POLE: variants seen among roughly 807,000 people sequenced by gnomAD.
The protein encoded by POLE is DNA polymerase epsilon catalytic subunit A.
In POLE, 188 loss-of-function variants were observed where a neutral mutation model predicts 279.2. The observed-to-expected ratio is 0.67, with a 90% CI of 0.60 to 0.76. POLE has a LOEUF of 0.76. Ranked by LOEUF, POLE falls within the 30% of genes least tolerant of loss-of-function variation. The pLI is 0.00. For synonymous variants in POLE, 1,214 were observed against 1,172.5 expected, an observed-to-expected ratio of 1.04 and a Z score of -0.72; for missense variants, 2,703 against 3,016.7, an observed-to-expected ratio of 0.90 and a Z score of 2.44.
intron 12 of POLE, among the ~76,000 whole-genome samples, chr12:132,674,893 C>A (rs896967188): frequency 7.1e-6 from 1 of 140,656 alleles, no homozygotes; most frequent in Non-Finnish European, 1.5e-5. Flanking sequence ...TCCCTCCCTT[C>A]CCTTCCTTCC....
In POLE at chr12:132,664,168, C is replaced by A; in HGVS notation, c.2562-20G>T. ...GGCCTCCTTCAGAGAAAGAGAGGAG[C>A]AAGGTCGTGAGTTCCCCTTTCCTTT... On this transcript the variant is annotated intron_variant, in intron 22 of 48. Coordinates refer to ENST00000320574, the MANE Select transcript of POLE (RefSeq NM_006231.4). This position sits in a 1 kb window ranked among gnomAD's most constrained non-coding sequence, Gnocchi z 5.3. 1.2e-6 allele frequency: 2 copies of A among 1,612,908 alleles called. No individual in the cohort carries two copies. Among genetic ancestry groups the A allele is most frequent in the Non-Finnish European group, 1.7e-6 (2 of 1,179,742 alleles).
intron 26 of POLE, chr12:132,658,522 A>G: frequency 6.5e-6 from 1 of 154,470 alleles, no homozygotes; most frequent in Admixed American, 6.4e-5. Flanking sequence ...CCATGTCTAC[A>G]TGTTCCTTGC....
At position 132,643,829 on chromosome 12, in the gene POLE, G is replaced by A. The variant is rs1461156744; in HGVS notation, c.4290+8C>T. On this transcript the variant is annotated splice_region_variant and intron_variant, in intron 33 of 48. Coordinates refer to ENST00000320574, the MANE Select transcript of POLE (RefSeq NM_006231.4). ...CCCCAGTTCAGTCGAGGGTGGCTGG[G>A]GAGTCACCTGAGTCTCATATACGCC... 6.2e-7 allele frequency: 1 copy of A among 1,612,108 alleles called. No individual in the cohort carries two copies. Among genetic ancestry groups the A allele is most frequent in the Non-Finnish European group, 8.5e-7 (1 of 1,178,398 alleles).
Position 132,668,971 on chromosome 12 carries a change from G to A in POLE, c.1795-32C>T. 6.2e-7 allele frequency: 1 copy of A among 1,605,554 alleles called. No individual in the cohort carries two copies. Among genetic ancestry groups the A allele is most frequent in the Non-Finnish European group, 8.5e-7 (1 of 1,173,642 alleles). On this transcript the variant is annotated intron_variant, in intron 16 of 48. Transcript: ENST00000320574. The surrounding 1 kb of genome is among the most constrained non-coding windows in gnomAD (Gnocchi z 4.0). ...AGAAAGCGAAACTCAGTAGAGGCTG[G>A]TGACCAAGCTTGCCTCGTGTGCAGT...
At chr12:132,669,013 G>A (rs1035418174) in intron 16 of POLE, 74 bp from the exon 17 acceptor site, 1 of 1,463,498 alleles carries the variant, frequency 6.8e-7, no homozygotes, top group Non-Finnish European at 9.3e-7. Flanking sequence ...ACCCCTTTTA[G>A]ACATTCAGGA....
chr12:132,671,396 C>T lies in POLE; in HGVS notation c.1794+819G>A, dbSNP rs922975630. Among the ~76,000 whole-genome samples the T allele has an allele frequency of 8.6e-5, 13 of 151,090 alleles. 1 individual carries two copies. Among genetic ancestry groups the T allele is most frequent in the African/African-American group, 2.0e-4 (8 of 40,574 alleles). ...ACATAAAGACCTGAGATAGGCCAGG[C>T]GCGGTGCCTCACACCTGTAATCCCA... On this transcript the variant is annotated intron_variant, in intron 16 of 48. Coordinates refer to ENST00000320574, the MANE Select transcript of POLE (RefSeq NM_006231.4).
chr12:132,646,740 G>A (rs1207472113), intron 32 of POLE, among the ~76,000 whole-genome samples: 1 of 152,094 alleles, frequency 6.6e-6, no homozygotes, highest in Non-Finnish European at 1.5e-5. Flanking sequence ...GCTGAGGCAG[G>A]AGAATTTCTT....
rs1555225694 is a variant in POLE, at chr12:132,659,476, G to C, written c.3094C>G (p.Leu1032Val). 1 of 1,614,198 alleles carries C rather than the reference G, an allele frequency of 6.2e-7. No homozygotes were observed. The highest frequency in any genetic ancestry group is 8.5e-7 in the Non-Finnish European group (1 of 1,180,036). The part of the protein sequence containing the change: ...ANMPDSELFE[L>V]ISENRSMSRK... ...GACATGGAACGGTTCTCAGAGATGA[G>C]CTCGAATAGCTCAGAGTCAGGCATG... The change falls in exon 26 of 49, where the codon CTC (leucine) becomes GTC (valine). Residue 1032 changes from leucine (L) to valine (V), a missense_variant. Transcript: ENST00000320574.
intron 43 of POLE, 154 bp from the exon 44 acceptor site, chr12:132,632,949 T>G: frequency 2.6e-6 from 2 of 763,650 alleles, no homozygotes; most frequent in East Asian, 2.7e-5. Flanking sequence ...GAGCTAAAAG[T>G]AAATTAGAGA....
At chr12:132,656,363 TTC>T (rs2042538574) in intron 29 of POLE, among the ~76,000 whole-genome samples, 2 of 151,702 alleles carry the variant, frequency 1.3e-5, no homozygotes, top group African/African-American at 4.9e-5. Context: ...CAGAACCTTT[TTC>T]TTTTTTTTTT....
intron 16 of POLE, among the ~76,000 whole-genome samples, 192 bp from the exon 17 acceptor site, chr12:132,669,131 T>A (rs1195453964): frequency 6.6e-6 from 1 of 152,090 alleles, no homozygotes; most frequent in African/African-American, 2.4e-5. Flanking sequence ...GGTGGAGTCA[T>A]TAGAAAATTA....
intron 45 of POLE, among the ~76,000 whole-genome samples, chr12:132,629,311 A>G (rs1006109233): frequency 6.6e-6 from 1 of 152,224 alleles, no homozygotes; most frequent in Admixed American, 6.5e-5. Flanking sequence ...CGCTAACAAG[A>G]GTCAGCCTTT....
At chr12:132,631,738 G>A (rs1464801798) in intron 45 of POLE, among the ~76,000 whole-genome samples, 2 of 152,150 alleles carry the variant, frequency 1.3e-5, no homozygotes, top group Non-Finnish European at 2.9e-5. Flanking sequence ...TCCTGGTCCA[G>A]CCTACTGGTC....
In POLE at chr12:132,625,784, G is replaced by C. The variant is rs1483343976; in HGVS notation, c.6532-14C>G. ...GACCGCCCCATCCTAGGCAGAGCAA[G>C]AGTGCGAGAGGTCACCAGCCCAGCC... On this transcript the variant is annotated splice_polypyrimidine_tract_variant and intron_variant, in intron 46 of 48. Transcript: ENST00000320574. 1.2e-6 allele frequency: 2 copies of C among 1,607,182 alleles called. No individual in the cohort carries two copies. The highest frequency in any genetic ancestry group is 1.3e-5 in the African/African-American group (1 of 75,060).
rs2135996157 is a variant in POLE at position 132,673,208 on chromosome 12, A to G, written c.1429T>C (p.Phe477Leu). 3 of 1,613,766 alleles carry G rather than the reference A, an allele frequency of 1.9e-6. No individual in the cohort carries two copies. Among genetic ancestry groups the G allele is most frequent in the Non-Finnish European group, 2.5e-6 (3 of 1,179,630 alleles). The change falls in exon 14 of 49, where the codon TTC becomes CTC. Residue 477 changes from phenylalanine (F) to leucine (L), a missense_variant. Around this residue, in one of 5 missense-constraint regions of POLE, gnomAD observed 1,011 missense variants for 1,111.7 expected, o/e 0.91. Transcript: ENST00000320574. ...YYLYMKYVHP[F>L]IFALCTIIPM... is the part of the protein sequence containing the mutation. Reference sequence around the variant, plus strand: ...ATAATGGTGCACAGAGCAAAGATGAATGGGTGGACGTACTTCATGTACAGG... The same window carrying G: ...ATAATGGTGCACAGAGCAAAGATGAGTGGGTGGACGTACTTCATGTACAGG...
At chr12:132,667,380 G>T in intron 20 of POLE, 123 bp downstream of exon 20, 3 of 998,050 alleles carry the variant, frequency 3.0e-6, no homozygotes, top group South Asian at 1.5e-5. Context: ...ACAATTGCAC[G>T]TTACCATCCG....
chr12:132,681,034 A>C, intron 2 of POLE, 104 bp downstream of exon 2: 2 of 1,357,008 alleles, frequency 1.5e-6, no homozygotes, highest in South Asian at 2.7e-5. Flanking sequence ...CACCTGATTC[A>C]CTCAAAGTTC....
In POLE at chr12:132,680,658, T is replaced by A; in HGVS notation, c.234A>T (p.Leu78Phe). 6.2e-7 allele frequency: 1 copy of A among 1,613,952 alleles called. No homozygotes were observed. The highest frequency in any genetic ancestry group is 8.5e-7 in the Non-Finnish European group (1 of 1,179,804). Residue 78 changes from leucine to phenylalanine, a missense_variant, in exon 3 of 49, where the codon TTA (leucine) becomes TTT (phenylalanine). Around this residue, in one of 5 missense-constraint regions of POLE, gnomAD observed 1,011 missense variants for 1,111.7 expected, o/e 0.91. Coordinates refer to ENST00000320574, the MANE Select transcript of POLE (RefSeq NM_006231.4). ...PTEILDEDKRLGSAVDYYFIQ... is the reference protein window; with the variant it reads ...PTEILDEDKRFGSAVDYYFIQ... ...TAAAGTAGTAATCCACTGCACTGCC[T>A]AAGCGCTTATCTTCATCTAAAATCT...
At position 132,677,677 on chromosome 12, in the gene POLE, G is replaced by A. The variant is rs778607648; in HGVS notation, c.621C>T (p.Thr207=). 2 of 1,614,134 alleles carry A rather than the reference G, an allele frequency of 1.2e-6. No homozygotes were observed. Among genetic ancestry groups the A allele is most frequent in the South Asian group, 1.1e-5 (1 of 91,080 alleles). Residue 207 remains threonine (T), a synonymous_variant, in exon 7 of 49, where the codon ACC becomes ACT. Transcript: ENST00000320574. ...CCAACTGGTCAGCTATCTTCTTAGA[G>A]GTTTCCTCTTCATCAGTAATGACAC... ...RGGVITDEEE[T]SKKIADQLDN... is the part of the protein sequence containing the mutation.
Sources: gnomAD v4.1 joint callset for allele counts (sites outside exome capture counted in the v4.1 genomes callset) on GRCh38, gnomAD v4.1.1 for gene constraint, gnomAD v4.1.1 regional missense constraint, Gnocchi (gnomAD v3.1) non-coding constraint, MANE v1.5 for transcripts, NCBI Gene and HGNC (gene_info 2026-07-23, HGNC 2026-07-21) for gene names.